The following TBX20 variants were observed in gnomAD, a reference collection of about 807,000 sequenced individuals.
The protein encoded by TBX20 is T-box transcription factor 20.
In TBX20, 8 loss-of-function variants were observed where a neutral mutation model predicts 42.9. The observed-to-expected ratio is 0.19, with a 90% CI of 0.11 to 0.34. The LOEUF is 0.34. Among genes scored for constraint, TBX20 ranks in the 10% least tolerant of loss-of-function variants. TBX20 has a pLI of 1.00. For missense variants in TBX20, 411 were observed against 566.0 expected, an observed-to-expected ratio of 0.73 and a Z score of 2.78; for synonymous variants, 198 against 222.8, an observed-to-expected ratio of 0.89 and a Z score of 0.99.
At chr7:35,244,885 C>T (rs937170408) in intron 4 of TBX20, 64 bp downstream of exon 4, 8 of 1,163,324 alleles carry the variant, frequency 6.9e-6, no homozygotes, top group African/African-American at 6.0e-5. Context: ...CAGAGAGAGA[C>T]AGTTTTGTGC....
intron 5 of TBX20, among the ~76,000 whole-genome samples, chr7:35,235,932 G>C (rs1212870239): frequency 1.3e-5 from 2 of 151,960 alleles, no homozygotes; most frequent in Admixed American, 6.6e-5. Flanking sequence ...CTGACCAAAG[G>C]CATTTAAAAA....
chr7:35,233,082 T>C (rs185514035), intron 5 of TBX20, among the ~76,000 whole-genome samples: 43 of 152,252 alleles, frequency 2.8e-4, no homozygotes, highest in Non-Finnish European at 1.3e-4. Flanking sequence ...AGTCAAAGTA[T>C]ATCTATAGAA....
intron 4 of TBX20, among the ~76,000 whole-genome samples, chr7:35,243,359 G>T (rs1351247876): frequency 6.6e-6 from 1 of 152,024 alleles, no homozygotes; most frequent in Non-Finnish European, 1.5e-5. Context: ...GTATAATCTT[G>T]GTATAATCAG....
chr7:35,226,585 C>A (rs1343421206), intron 6 of TBX20, among the ~76,000 whole-genome samples: 2 of 152,042 alleles, frequency 1.3e-5, no homozygotes, highest in African/African-American at 4.8e-5. Flanking sequence ...GCATAAAATG[C>A]CTTAAAAACA....
chr7:35,251,568 T>C (rs1790306315), intron 1 of TBX20, among the ~76,000 whole-genome samples: 2 of 152,194 alleles, frequency 1.3e-5, no homozygotes, highest in Non-Finnish European at 2.9e-5. Context: ...AATTAAGAAG[T>C]AGTGTTAATG....
rs377574341 is a variant in TBX20 at position 35,233,163 on chromosome 7, T to C, written c.814-1583A>G. On this transcript the variant is annotated intron_variant, in intron 5 of 7. Transcript: ENST00000408931. ...AAGAAATGTGGTTTTTTCTTTTTCA[T>C]GGTTTCTGAACACTTTCAGAACCAA... Among the ~76,000 whole-genome samples, 7 of 152,360 alleles carry C rather than the reference T, an allele frequency of 4.6e-5. No individual in the cohort carries two copies. In the East Asian group the frequency reaches 7.7e-4, roughly 17 times the overall value.
chr7:35,224,745 T>C (rs146045382), intron 6 of TBX20, among the ~76,000 whole-genome samples: 4 of 152,318 alleles, frequency 2.6e-5, no homozygotes, highest in African/African-American at 7.2e-5. Context: ...TATAATGTCA[T>C]TTAAAATTTT....
intron 5 of TBX20, among the ~76,000 whole-genome samples, chr7:35,237,570 T>A (rs1463343706): frequency 6.6e-6 from 1 of 151,362 alleles, no homozygotes; most frequent in Non-Finnish European, 1.5e-5. Context: ...TACGTTTGCA[T>A]ATAGAGAGAG....
At chr7:35,216,058 T>C (rs527674581) in intron 6 of TBX20, among the ~76,000 whole-genome samples, 2 of 152,344 alleles carry the variant, frequency 1.3e-5, no homozygotes, top group Admixed American at 1.3e-4. Context: ...AATTACTAGA[T>C]TGATGGCAAT....
chr7:35,248,953 T>C, intron 2 of TBX20, 112 bp from the exon 3 acceptor site: 1 of 1,273,368 alleles, frequency 7.9e-7, no homozygotes, highest in Non-Finnish European at 1.1e-6. Flanking sequence ...CTGACTCCCC[T>C]CTCTATCCGG....
intron 5 of TBX20, among the ~76,000 whole-genome samples, chr7:35,232,759 T>G (rs1789891473): frequency 6.6e-6 from 1 of 152,222 alleles, no homozygotes; most frequent in Non-Finnish European, 1.5e-5. Flanking sequence ...TGCCTGTGGC[T>G]CACGCCTGTA....
At chr7:35,211,185 C>G (rs1177298240) in intron 6 of TBX20, among the ~76,000 whole-genome samples, 1 of 151,998 alleles carries the variant, frequency 6.6e-6, no homozygotes, top group African/African-American at 2.4e-5. Context: ...AGCCATTGTG[C>G]CATTCTTGTC....
At chr7:35,239,092 A>G (rs1174428244) in intron 5 of TBX20, among the ~76,000 whole-genome samples, 2 of 152,100 alleles carry the variant, frequency 1.3e-5, no homozygotes, top group Non-Finnish European at 2.9e-5. Context: ...TAAGGAAAAC[A>G]GCAGCCACTG....
chr7:35,214,605 C>T (rs1789550501), intron 6 of TBX20, among the ~76,000 whole-genome samples: 1 of 152,064 alleles, frequency 6.6e-6, no homozygotes, highest in African/African-American at 2.4e-5. Context: ...TGTTGAACCC[C>T]AGCAGCCTAA....
intron 4 of TBX20, among the ~76,000 whole-genome samples, chr7:35,243,263 G>C (rs1562566060): frequency 6.6e-6 from 1 of 152,158 alleles, no homozygotes; most frequent in African/African-American, 2.4e-5. Context: ...TGGATTGCAG[G>C]TGTGAGCCAC....
intron 4 of TBX20, among the ~76,000 whole-genome samples, chr7:35,242,516 A>C (rs1421147601): frequency 6.6e-6 from 1 of 152,260 alleles, no homozygotes; most frequent in Non-Finnish European, 1.5e-5. Context: ...AAAAAAAATT[A>C]ACATTCATCA....
chr7:35,235,983 C>G (rs1026512168), intron 5 of TBX20, among the ~76,000 whole-genome samples: 1 of 152,010 alleles, frequency 6.6e-6, no homozygotes, highest in South Asian at 2.1e-4. Flanking sequence ...CAATGGTCTG[C>G]CTGCTCAAAA....
intron 6 of TBX20, among the ~76,000 whole-genome samples, chr7:35,231,038 A>C (rs1380576090): frequency 6.6e-6 from 1 of 152,198 alleles, no homozygotes; most frequent in Non-Finnish European, 1.5e-5. Context: ...AAATATAAGC[A>C]GTCTACTACA....
At chr7:35,239,809 T>G (rs1790039701) in intron 5 of TBX20, among the ~76,000 whole-genome samples, 1 of 152,092 alleles carries the variant, frequency 6.6e-6, no homozygotes, top group Non-Finnish European at 1.5e-5. Context: ...TGGAGTGCAG[T>G]GGTGAGATCT....
Sources: allele counts gnomAD v4.1 joint callset (sites outside exome capture counted in the v4.1 genomes callset), GRCh38; gene constraint gnomAD v4.1.1; transcripts MANE v1.5; gene names NCBI Gene and HGNC (gene_info 2026-07-23, HGNC 2026-07-21).